AOPEP: variants seen among roughly 807,000 people sequenced by gnomAD.
AOPEP encodes aminopeptidase O (putative).
A neutral mutation model predicts 98.1 loss-of-function variants in AOPEP; 77 were observed. The ratio of observed to expected loss-of-function variants is 0.78; its 90% CI spans 0.65 to 0.95. The LOEUF (loss-of-function observed/expected upper bound fraction) is 0.95. Among genes scored for constraint, AOPEP ranks in the 40% least tolerant of loss-of-function variants. AOPEP has a pLI of 0.00. For missense variants in AOPEP, 1,024 were observed against 1,024.7 expected (o/e 1.00, Z 0.01); for synonymous variants, 346 against 365.3 (o/e 0.95, Z 0.60).
At position 94,856,808 on chromosome 9, in the gene AOPEP, A is replaced by C. The variant is rs10993372; in HGVS notation, c.1364+55806A>C. On this transcript the variant is annotated intron_variant, in intron 5 of 16. Transcript: ENST00000375315. ...TATAAGAAATAAAAGGTAGCTTGTC[A>C]TTCATTATTTAAGCTGGTAGACACA... Among the ~76,000 whole-genome samples the C allele has an allele frequency of 2.6e-5, 4 of 152,076 alleles. No homozygotes were observed. The South Asian group carries it at 8.3e-4, about 31-fold the overall frequency.
intron 5 of AOPEP, among the ~76,000 whole-genome samples, chr9:94,885,400 C>T: frequency 8.9e-6 from 1 of 112,820 alleles, no homozygotes; most frequent in South Asian, 3.2e-4. Context: ...AGACATTGTG[C>T]TAGCATTATT....
At chr9:94,789,428 C>CT (rs1269919818) in intron 3 of AOPEP, among the ~76,000 whole-genome samples, 1 of 152,070 alleles carries the variant, frequency 6.6e-6, no homozygotes, top group Non-Finnish European at 1.5e-5. Context: ...GACCACAGCC[C>CT]TTTGATTAAG....
rs767733041 is a variant in AOPEP at position 95,086,999 on chromosome 9, A to G, written c.*322A>G. 60 of 951,726 alleles carry G rather than the reference A, an allele frequency of 6.3e-5. No individual in the cohort carries two copies. Among genetic ancestry groups the G allele is most frequent in the Non-Finnish European group, 7.4e-5 (59 of 798,212 alleles). The allele number at this position is 951,726 out of a possible 1,614,324, so 59.0% of individuals were successfully genotyped here. A position where few individuals can be genotyped will look rare whatever the true frequency, so the allele number is the denominator to read the frequency against. On this transcript the variant is annotated 3_prime_UTR_variant, in exon 17 of 17. Transcript: ENST00000375315. Reference sequence around the variant, plus strand: ...AGAGACATTGGAAAACCTGCTGAACATTTTACATTGGTCTGCTCAGCACAT... The same window carrying G: ...AGAGACATTGGAAAACCTGCTGAACGTTTTACATTGGTCTGCTCAGCACAT...
the AOPEP span, among the ~76,000 whole-genome samples, chr9:95,144,304 C>T: frequency 8.5e-5 from 13 of 152,324 alleles, no homozygotes; most frequent in East Asian, 2.5e-3. Context: ...TTTGGACACA[C>T]TGAAGACCAC....
intron 5 of AOPEP, among the ~76,000 whole-genome samples, chr9:94,862,496 T>G (rs911019360): frequency 1.3e-5 from 2 of 152,206 alleles, no homozygotes; most frequent in African/African-American, 4.8e-5. Context: ...GTTGACCTCC[T>G]TCCAGTCTCC....
intron 3 of AOPEP, among the ~76,000 whole-genome samples, chr9:94,788,003 C>T (rs1844810273): frequency 6.6e-6 from 1 of 152,104 alleles, no homozygotes; most frequent in Admixed American, 6.6e-5. Flanking sequence ...ACACAAGCCC[C>T]CTTCCTAAAA....
chr9:94,841,776 G>A (rs1040870546), intron 5 of AOPEP, among the ~76,000 whole-genome samples: 14 of 152,036 alleles, frequency 9.2e-5, no homozygotes, highest in African/African-American at 3.4e-4. Flanking sequence ...TCCTAGCTGG[G>A]CACAGTGACT....
At chr9:94,742,398 A>G (rs1409412985) in intron 1 of AOPEP, among the ~76,000 whole-genome samples, 1 of 151,972 alleles carries the variant, frequency 6.6e-6, no homozygotes, top group Non-Finnish European at 1.5e-5. Flanking sequence ...AAATAAGTGC[A>G]GAAATAGAGG....
chr9:95,102,042 C>T, the AOPEP span, among the ~76,000 whole-genome samples: 1 of 152,186 alleles, frequency 6.6e-6, no homozygotes, highest in African/African-American at 2.4e-5. Flanking sequence ...CCAAGGCTGG[C>T]TACACAGTGA....
At chr9:95,134,310 C>A in the AOPEP span, among the ~76,000 whole-genome samples, 8 of 152,120 alleles carry the variant, frequency 5.3e-5, no homozygotes, top group African/African-American at 1.9e-4. Context: ...AAGTTGAAGG[C>A]CTCTAGGAGG....
the AOPEP span, among the ~76,000 whole-genome samples, chr9:95,143,690 TTC>T: frequency 1.3e-5 from 2 of 152,198 alleles, no homozygotes. Context: ...GTCTTCAAGC[TTC>T]TCAGTATTTT....
chr9:95,124,839 T>A, the AOPEP span, among the ~76,000 whole-genome samples: 1 of 152,206 alleles, frequency 6.6e-6, no homozygotes. Flanking sequence ...CCATGCATGC[T>A]GGCATGACAG....
At chr9:95,085,837 TGTG>T in intron 16 of AOPEP, 2 of 1,096,896 alleles carry the variant, frequency 1.8e-6, no homozygotes, top group Non-Finnish European at 2.3e-6. Context: ...TGTGAAATCA[TGTG>T]GTAGCTCATG....
intron 1 of AOPEP, among the ~76,000 whole-genome samples, chr9:94,751,826 T>C (rs1047631476): frequency 6.6e-6 from 1 of 151,554 alleles, no homozygotes; most frequent in African/African-American, 2.4e-5. Flanking sequence ...TATTGCATGA[T>C]GCTGAGGTTT....
At chr9:94,977,644 C>A (rs2059932229) in intron 10 of AOPEP, among the ~76,000 whole-genome samples, 1 of 152,306 alleles carries the variant, frequency 6.6e-6, no homozygotes, top group South Asian at 2.1e-4. Context: ...TGCGCACACT[C>A]CCACACTCTC....
chr9:94,763,025 A>G, intron 2 of AOPEP: 1 of 361,254 alleles, frequency 2.8e-6, no homozygotes, highest in South Asian at 2.2e-5. Context: ...TTAAAACTAA[A>G]ATAGTTTCTA....
At chr9:94,839,903 G>T (rs964383195) in intron 5 of AOPEP, among the ~76,000 whole-genome samples, 2 of 152,046 alleles carry the variant, frequency 1.3e-5, no homozygotes, top group Admixed American at 1.3e-4. Context: ...CAAGTAGCTG[G>T]TGCTATAAGC....
intron 13 of AOPEP, among the ~76,000 whole-genome samples, chr9:95,012,524 G>A (rs1447571626): frequency 6.6e-6 from 1 of 152,050 alleles, no homozygotes; most frequent in African/African-American, 2.4e-5. Flanking sequence ...CATTCTCATC[G>A]ACATTTTAAG....
chr9:95,075,941 G>C (rs994106281), intron 14 of AOPEP, among the ~76,000 whole-genome samples: 2 of 152,208 alleles, frequency 1.3e-5, no homozygotes, highest in South Asian at 2.1e-4. Context: ...GCCCCGATGG[G>C]GATGGGGGCT....
Sources: gnomAD v4.1 joint callset for allele counts (sites outside exome capture counted in the v4.1 genomes callset) on GRCh38, gnomAD v4.1.1 for gene constraint, MANE v1.5 for transcripts, NCBI Gene and HGNC (gene_info 2026-07-23, HGNC 2026-07-21) for gene names.